MCM9: variants seen among roughly 807,000 people sequenced by gnomAD.
MCM9 encodes the protein minichromosome maintenance 9 homologous recombination repair factor.
Under a neutral mutation model 72.8 loss-of-function variants are expected in MCM9, and 55 were observed. The observed-to-expected ratio is 0.76, with a 90% CI of 0.61 to 0.95. MCM9 has a LOEUF of 0.95. MCM9 is among the 40% of genes least tolerant of loss of function. MCM9 has a pLI of 0.00. For missense variants in MCM9, 1,279 were observed against 1,377.0 expected, an observed-to-expected ratio of 0.93 and a Z score of 1.13; for synonymous variants, 480 against 503.4, an observed-to-expected ratio of 0.95 and a Z score of 0.62.
chr6:118,821,196 T>C (rs1229961635), intron 13 of MCM9, among the ~76,000 whole-genome samples: 1 of 152,190 alleles, frequency 6.6e-6, no homozygotes, highest in Non-Finnish European at 1.5e-5. Flanking sequence ...TGCACATTAG[T>C]TGATGCAGTT....
chr6:118,907,774 A>G (rs977686765), intron 8 of MCM9: 1 of 577,620 alleles, frequency 1.7e-6, no homozygotes, highest in Non-Finnish European at 3.0e-6. Flanking sequence ...CAAATTGTGG[A>G]ATATAAATAC....
chr6:118,910,677 G>T, intron 8 of MCM9: 1 of 985,242 alleles, frequency 1.0e-6, no homozygotes, highest in Non-Finnish European at 1.2e-6. Flanking sequence ...GATTTAAAAC[G>T]CATGGGAAAT....
chr6:118,881,275 CA>C (rs1402113970), intron 8 of MCM9, among the ~76,000 whole-genome samples: 1 of 152,078 alleles, frequency 6.6e-6, no homozygotes, highest in Non-Finnish European at 1.5e-5. Flanking sequence ...TCCTGAGCCC[CA>C]CCTTTTTCAA....
chr6:118,917,500 A>G, intron 6 of MCM9, 61 bp downstream of exon 6: 1 of 1,491,080 alleles, frequency 6.7e-7, no homozygotes, highest in Non-Finnish European at 9.3e-7. Flanking sequence ...CACAGACATC[A>G]TATTTAACCA....
intron 5 of MCM9, chr6:118,919,230 A>G (rs537544950): frequency 1.8e-4 from 27 of 152,354 alleles, no homozygotes; most frequent in Admixed American, 9.8e-4. Flanking sequence ...AATGTCAATA[A>G]GCAGTGATTA....
chr6:118,874,940 C>T (rs545882763), intron 8 of MCM9, among the ~76,000 whole-genome samples: 1 of 152,290 alleles, frequency 6.6e-6, no homozygotes, highest in Non-Finnish European at 1.5e-5. Flanking sequence ...ATAGTGAAAC[C>T]CCGTTTCTAT....
chr6:118,815,184 G>A lies in MCM9; in HGVS notation c.3072C>T (p.Asn1024=), dbSNP rs754275537. The A allele has an allele frequency of 5.2e-6, 8 of 1,550,306 alleles. No homozygotes were observed. Among genetic ancestry groups the A allele is most frequent in the East Asian group, 2.4e-5 (1 of 40,910 alleles). Reference sequence around the variant, plus strand: ...AAGTAAGATGAGCACACCCAGTCTCGTTCCCAAGCTCTAATTCAGGCTGAA... The same window carrying A: ...AAGTAAGATGAGCACACCCAGTCTCATTCCCAAGCTCTAATTCAGGCTGAA... The part of the protein sequence containing the change: ...RIIQPELELG[N]ETGCAHLTCE... Residue 1024 remains asparagine, a synonymous_variant, in exon 14 of 14, where the codon AAC becomes AAT. Transcript: ENST00000619706.
intron 2 of MCM9, 52 bp from the exon 3 acceptor site, chr6:118,931,790 C>A: frequency 7.4e-7 from 1 of 1,349,210 alleles, no homozygotes; most frequent in Non-Finnish European, 9.9e-7. Flanking sequence ...AAGATGTACA[C>A]ACAATTTAAC....
chr6:118,859,294 T>A (rs905219711), intron 8 of MCM9, among the ~76,000 whole-genome samples: 3 of 152,152 alleles, frequency 2.0e-5, no homozygotes, highest in Admixed American at 2.0e-4. Flanking sequence ...AAATGTAAAG[T>A]GTAAAACTAT....
At chr6:118,864,930 C>G (rs546978256) in intron 8 of MCM9, among the ~76,000 whole-genome samples, 1 of 151,796 alleles carries the variant, frequency 6.6e-6, no homozygotes. Context: ...CTTCTGGTGG[C>G]TACATGCCTG....
intron 9 of MCM9, among the ~76,000 whole-genome samples, chr6:118,844,308 G>A (rs922785291): frequency 6.6e-6 from 1 of 151,684 alleles, no homozygotes; most frequent in Non-Finnish European, 1.5e-5. Flanking sequence ...AACTACTGTG[G>A]AGGCTCATCC....
chr6:118,818,080 C>A (rs981552230), intron 13 of MCM9, among the ~76,000 whole-genome samples: 1 of 151,976 alleles, frequency 6.6e-6, no homozygotes, highest in Admixed American at 6.6e-5. Context: ...CTATAAGTTG[C>A]CTGTTCACTC....
chr6:118,894,485 C>T (rs1029514787), intron 8 of MCM9: 46 of 1,537,066 alleles, frequency 3.0e-5, no homozygotes, highest in Non-Finnish European at 4.0e-5. Context: ...CGTTCCAGTT[C>T]GAGATCACCT....
chr6:118,833,557 A>T (rs150049540), intron 9 of MCM9, among the ~76,000 whole-genome samples: 245 of 152,334 alleles, frequency 1.6e-3, no homozygotes, highest in Middle Eastern at 0.01. Context: ...GGAATGGATA[A>T]GGAAAACGCG....
intron 3 of MCM9, among the ~76,000 whole-genome samples, chr6:118,925,278 T>C (rs919974075): frequency 6.6e-6 from 1 of 152,086 alleles, no homozygotes; most frequent in Non-Finnish European, 1.5e-5. Flanking sequence ...TTGTCCTCAG[T>C]ATTTAGCGGT....
At chr6:118,826,081 C>T (rs1774148245) in intron 13 of MCM9, 66 bp downstream of exon 13, 4 of 1,502,388 alleles carry the variant, frequency 2.7e-6, no homozygotes, top group Admixed American at 2.2e-5. Context: ...TGCACACTTG[C>T]TTTGTTTCAC....
intron 10 of MCM9, among the ~76,000 whole-genome samples, 198 bp downstream of exon 10, chr6:118,828,850 G>C (rs1174629041): frequency 2.0e-5 from 3 of 152,144 alleles, no homozygotes; most frequent in African/African-American, 7.2e-5. Flanking sequence ...GGCAGGTAGA[G>C]AAAGGCCCTT....
intron 10 of MCM9, 85 bp downstream of exon 10, chr6:118,828,963 T>C (rs962262540): frequency 4.5e-6 from 6 of 1,339,292 alleles, no homozygotes; most frequent in Admixed American, 2.0e-5. Flanking sequence ...ATCTTGGGTA[T>C]TTATTTAATT....
At chr6:118,921,194 G>A (rs1186429305) in intron 5 of MCM9, 1 of 152,172 alleles carries the variant, frequency 6.6e-6, no homozygotes, top group Non-Finnish European at 1.5e-5. Flanking sequence ...TGTATATGCT[G>A]TGCTTGATTG....
Sources: gnomAD v4.1 joint callset for allele counts (sites outside exome capture counted in the v4.1 genomes callset) on GRCh38, gnomAD v4.1.1 for gene constraint, MANE v1.5 for transcripts, NCBI Gene and HGNC (gene_info 2026-07-23, HGNC 2026-07-21) for gene names.